The following LRIG1 variants were observed in gnomAD, a reference collection of about 807,000 sequenced individuals.
The protein encoded by LRIG1 is leucine rich repeats and immunoglobulin like domains 1.
Under a neutral mutation model 99.2 loss-of-function variants are expected in LRIG1, and 48 were observed. The ratio of observed to expected loss-of-function variants is 0.48; its 90% confidence interval spans 0.38 to 0.62. The LOEUF is 0.62. LRIG1 is among the 20% of genes least tolerant of loss of function. LRIG1 has a pLI of 0.00. For synonymous variants in LRIG1, 772 were observed against 596.1 expected, an observed-to-expected ratio of 1.29 and a Z score of -4.30; for missense variants, 1,646 against 1,434.4, an observed-to-expected ratio of 1.15 and a Z score of -2.38.
chr3:66,470,926 T>C (rs1045273870), intron 1 of LRIG1, among the ~76,000 whole-genome samples: 3 of 152,242 alleles, frequency 2.0e-5, no homozygotes, highest in African/African-American at 7.2e-5. Flanking sequence ...AGTTTAGTAC[T>C]GAGGAAAGCC....
At chr3:66,443,239 C>T (rs900365307) in intron 3 of LRIG1, among the ~76,000 whole-genome samples, 5 of 147,704 alleles carry the variant, frequency 3.4e-5, no homozygotes, top group African/African-American at 7.4e-5. Context: ...ACTGCAACAG[C>T]GGCCTGCTGG....
chr3:66,483,694 GA>G (rs1242681992), intron 1 of LRIG1, among the ~76,000 whole-genome samples: 1 of 152,236 alleles, frequency 6.6e-6, no homozygotes, highest in Non-Finnish European at 1.5e-5. Context: ...TCGGTCTATG[GA>G]AGAAGCCACC....
chr3:66,385,063 C>A (rs970199688), intron 13 of LRIG1, among the ~76,000 whole-genome samples: 2 of 152,154 alleles, frequency 1.3e-5, no homozygotes, highest in African/African-American at 4.8e-5. Flanking sequence ...CAAGCCAATT[C>A]TTTTTAACTA....
chr3:66,477,708 A>G (rs1016973184), intron 1 of LRIG1, among the ~76,000 whole-genome samples: 3 of 152,066 alleles, frequency 2.0e-5, no homozygotes, highest in African/African-American at 7.2e-5. Flanking sequence ...ACTTAAGTTC[A>G]TTCTCTCATT....
intron 13 of LRIG1, among the ~76,000 whole-genome samples, chr3:66,384,651 G>A (rs1396698578): frequency 6.6e-6 from 1 of 151,972 alleles, no homozygotes; most frequent in East Asian, 1.9e-4. Flanking sequence ...ACAGAGGGAA[G>A]GTGGGCATGC....
intron 12 of LRIG1, among the ~76,000 whole-genome samples, chr3:66,388,831 T>A (rs894522665): frequency 6.6e-6 from 1 of 152,214 alleles, no homozygotes; most frequent in African/African-American, 2.4e-5. Flanking sequence ...AGTTGACTGT[T>A]ATCAGGCCTG....
At chr3:66,395,958 G>A (rs367772627) in intron 11 of LRIG1, among the ~76,000 whole-genome samples, 1 of 152,056 alleles carries the variant, frequency 6.6e-6, no homozygotes, top group Non-Finnish European at 1.5e-5. Context: ...CCTGTGCGAC[G>A]TTAAGCATTT....
chr3:66,462,530 A>C (rs535375847), intron 1 of LRIG1, 21 bp from the exon 2 acceptor site: 1 of 1,568,142 alleles, frequency 6.4e-7, no homozygotes, highest in African/African-American at 1.3e-5. Context: ...CAGAGAGAGA[A>C]AAAAACGGAA....
rs554365878 is a variant in LRIG1 at position 66,449,254 on chromosome 3, G to A, written c.365+2305C>T. Among the ~76,000 whole-genome samples, 51 of 150,516 alleles carry A rather than the reference G, an allele frequency of 3.4e-4. No homozygotes were observed. The East Asian group carries it at 6.6e-3, about 19-fold the overall frequency. ...ACCTAACTTGCCAGCACTGAATCCAGGCATCCAATCTAAGAATGGGGAACA... is the reference window on the plus strand; with the variant it reads ...ACCTAACTTGCCAGCACTGAATCCAAGCATCCAATCTAAGAATGGGGAACA... On this transcript the variant is annotated intron_variant, in intron 3 of 18. Coordinates refer to ENST00000273261, the MANE Select transcript of LRIG1 (RefSeq NM_015541.3).
rs533756213 is a variant in LRIG1 at position 66,455,238 on chromosome 3, C to T, written c.291-3605G>A. ...GAGATTACAGGCGTGAGCCACCATG[C>T]CTGAATTTTTCTTGCTGTTATTTAT... On this transcript the variant is annotated intron_variant, in intron 2 of 18. Coordinates refer to ENST00000273261, the MANE Select transcript of LRIG1 (RefSeq NM_015541.3). 3.9e-5 allele frequency among the ~76,000 whole-genome samples: 6 copies of T among 152,294 alleles called. 1 individual carries two copies. The South Asian group carries it at 1.2e-3, about 32-fold the overall frequency.
intron 1 of LRIG1, among the ~76,000 whole-genome samples, chr3:66,478,536 T>C (rs2106887714): frequency 6.6e-6 from 1 of 152,342 alleles, no homozygotes; most frequent in Non-Finnish European, 1.5e-5. Flanking sequence ...TCAGGGAGTC[T>C]GCCCTCACAT....
In LRIG1 at chr3:66,489,465, T is replaced by C. The variant is rs184228037; in HGVS notation, c.218+10725A>G. ...TGAGCCTGGGAGGTCACGGCTATAG[T>C]GAGCCATGATTGCGCCACTGCACTC... On this transcript the variant is annotated intron_variant, in intron 1 of 18. Transcript: ENST00000273261. 2.9e-3 allele frequency among the ~76,000 whole-genome samples: 438 copies of C among 152,144 alleles called. 11 individuals carry two copies. The highest frequency in any genetic ancestry group is 0.025 in the Admixed American group (385 of 15,284).
chr3:66,391,044 A>G (rs982576892), intron 12 of LRIG1, among the ~76,000 whole-genome samples: 9 of 152,206 alleles, frequency 5.9e-5, no homozygotes, highest in Non-Finnish European at 1.0e-4. Flanking sequence ...TGTATGTCCA[A>G]TAAGCAGGTG....
intron 2 of LRIG1, among the ~76,000 whole-genome samples, chr3:66,455,469 A>G (rs544440046): frequency 2.8e-4 from 42 of 152,140 alleles, no homozygotes; most frequent in Non-Finnish European, 5.0e-4. Context: ...GTGTACCGCC[A>G]TTTCTCTTTA....
rs961546427 is a variant in LRIG1 at position 66,500,793 on chromosome 3, G to A, written c.-386C>T. ...GCCTGGAAGACAGGCGTTCAGCCCC[G>A]CAGCCCGAGCTCGGTGCCGGCAGGC... On this transcript the variant is annotated 5_prime_UTR_variant, in exon 1 of 19. Coordinates refer to ENST00000273261, the MANE Select transcript of LRIG1 (RefSeq NM_015541.3). The A allele has an allele frequency of 3.5e-4, 55 of 158,292 alleles. No homozygotes were observed. Among genetic ancestry groups the A allele is most frequent in the African/African-American group, 1.2e-3 (52 of 41,832 alleles). The allele number at this position is 158,292 out of a possible 1,614,324, so 9.8% of individuals were successfully genotyped here. A position where few individuals can be genotyped will look rare whatever the true frequency, so the allele number is the denominator to read the frequency against.
Position 66,383,165 on chromosome 3 carries a change from C to G in LRIG1, c.2308G>C (p.Gly770Arg). Reference sequence around the variant, plus strand: ...AGCTGGCTGTGAGCTCGCTCCGTGCCCAGGGTGTTGGACATCTCACAGGTA... The same window carrying G: ...AGCTGGCTGTGAGCTCGCTCCGTGCGCAGGGTGTTGGACATCTCACAGGTA... ...RYTCEMSNTL[G>R]TERAHSQLSV... The change falls in exon 15 of 19, where the codon GGC becomes CGC. Residue 770 changes from glycine to arginine, a missense_variant. Coordinates refer to ENST00000273261, the MANE Select transcript of LRIG1 (RefSeq NM_015541.3). 1 of 1,614,226 alleles carries G rather than the reference C, an allele frequency of 6.2e-7. No individual in the cohort carries two copies. The highest frequency in any genetic ancestry group is 1.7e-5 in the Admixed American group (1 of 60,034).
chr3:66,450,993 G>A (rs1211298326), intron 3 of LRIG1, among the ~76,000 whole-genome samples: 1 of 152,174 alleles, frequency 6.6e-6, no homozygotes, highest in African/African-American at 2.4e-5. Flanking sequence ...TTCCCAATGG[G>A]TGCCTTCATG....
intron 1 of LRIG1, among the ~76,000 whole-genome samples, chr3:66,477,799 G>A (rs1229485416): frequency 6.6e-6 from 1 of 152,078 alleles, no homozygotes; most frequent in African/African-American, 2.4e-5. Flanking sequence ...GGAGGAAGAG[G>A]GGAGAGGAGG....
chr3:66,380,934 G>T (rs2107915541), intron 17 of LRIG1, 73 bp from the exon 18 acceptor site: 1 of 1,499,268 alleles, frequency 6.7e-7, no homozygotes, highest in South Asian at 1.2e-5. Flanking sequence ...AGGACAGGCT[G>T]CTCAGCTCCA....
Sources: gnomAD v4.1 joint callset for allele counts (sites outside exome capture counted in the v4.1 genomes callset) on GRCh38, gnomAD v4.1.1 for gene constraint, MANE v1.5 for transcripts, NCBI Gene and HGNC (gene_info 2026-07-23, HGNC 2026-07-21) for gene names.